DHX33: variants seen among roughly 807,000 people sequenced by gnomAD.
The protein encoded by DHX33 is ATP-dependent RNA helicase DHX33.
Under a neutral mutation model 72.5 loss-of-function variants are expected in DHX33, and 42 were observed. That is an observed-to-expected ratio of 0.58 (90% confidence interval 0.45 to 0.75). The LOEUF (loss-of-function observed/expected upper bound fraction) is 0.75, where lower values mean the gene tolerates loss of function less well. DHX33 is among the 30% of genes least tolerant of loss of function. The probability of loss-of-function intolerance (pLI) is 0.00; values close to 1 mark genes in which losing one functional copy is unlikely to be tolerated. For missense variants in DHX33, 842 were observed against 917.5 expected (o/e 0.92, Z 1.06); for synonymous variants, 358 against 366.1 (o/e 0.98, Z 0.25).
Position 5,442,935 on chromosome 17 carries a change from C to T in DHX33, c.*1270G>A, listed in dbSNP as rs1916488189. 6.6e-6 allele frequency: 1 copy of T among 152,190 alleles called. No individual in the cohort carries two copies. Among genetic ancestry groups the T allele is most frequent in the Non-Finnish European group, 1.5e-5 (1 of 68,038 alleles). The allele number at this position is 152,190 out of a possible 1,614,324, so 9.4% of individuals were successfully genotyped here. A position where few individuals can be genotyped will look rare whatever the true frequency, so the allele number is the denominator to read the frequency against. On this transcript the variant is annotated 3_prime_UTR_variant, in exon 12 of 12. Coordinates refer to ENST00000225296, the MANE Select transcript of DHX33 (RefSeq NM_020162.4). ...GACTGTGGATATCCTCCAATTCCCTCTGACAATGAGGGTTAGAGAGAGGTG... is the reference window on the plus strand; with the variant it reads ...GACTGTGGATATCCTCCAATTCCCTTTGACAATGAGGGTTAGAGAGAGGTG...
chr17:5,462,816 A>T (rs1160480094), intron 2 of DHX33, among the ~76,000 whole-genome samples: 2 of 152,158 alleles, frequency 1.3e-5, no homozygotes, highest in Non-Finnish European at 2.9e-5. Context: ...GTGGTGGCTC[A>T]CACCTGTAAT....
rs532532584 is a variant in DHX33, at chr17:5,453,455, T to C, written c.1396+125A>G. The C allele has an allele frequency of 1.8e-4, 136 of 743,026 alleles. No homozygotes were observed. In the South Asian group the frequency reaches 2.1e-3, roughly 11 times the overall value. 46.0% of individuals were successfully genotyped at this position (743,026 alleles called of 1,614,324 possible). On this transcript the variant is annotated intron_variant, in intron 8 of 11. Coordinates refer to ENST00000225296, the MANE Select transcript of DHX33 (RefSeq NM_020162.4). Reference sequence around the variant, plus strand: ...TTTCAGATGCTTCTCTAATAACTAATGTTGTCATCCACAAAATTAAATAAA... The same window carrying C: ...TTTCAGATGCTTCTCTAATAACTAACGTTGTCATCCACAAAATTAAATAAA...
chr17:5,463,405 A>G, intron 2 of DHX33, 124 bp downstream of exon 2: 1 of 1,024,934 alleles, frequency 9.8e-7, no homozygotes, highest in Middle Eastern at 2.7e-4. Flanking sequence ...GAACTCTCGG[A>G]AGAATAGGCA....
Position 5,457,555 on chromosome 17 carries a change from C to T in DHX33, c.850-1373G>A, listed in dbSNP as rs138985025. The stretch of plus-strand genomic sequence containing the variant: ...CTGGGAGGTAGAGGTTGCAGTGAGC[C>T]GAGCTCGTGTCACTGCACTCCAGCC... On this transcript the variant is annotated intron_variant, in intron 4 of 11. Coordinates refer to ENST00000225296, the MANE Select transcript of DHX33 (RefSeq NM_020162.4). 3.3e-3 allele frequency among the ~76,000 whole-genome samples: 471 copies of T among 141,594 alleles called. 4 individuals carry two copies. The highest frequency in any genetic ancestry group is 0.012 in the African/African-American group (434 of 36,360). The allele number at this position is 141,594 out of a possible 152,430, so 92.9% of individuals were successfully genotyped here.
At chr17:5,456,273 G>A in intron 4 of DHX33, 91 bp from the exon 5 acceptor site, 1 of 1,352,606 alleles carries the variant, frequency 7.4e-7, no homozygotes, top group Non-Finnish European at 1.0e-6. Context: ...GTTTCCCAGA[G>A]TTATTTCTCT....
intron 2 of DHX33, among the ~76,000 whole-genome samples, chr17:5,463,328 G>C (rs190926985): frequency 2.6e-5 from 4 of 152,296 alleles, no homozygotes; most frequent in African/African-American, 9.6e-5. Context: ...TATCCAACCT[G>C]ACGACAGATT....
intron 3 of DHX33, among the ~76,000 whole-genome samples, chr17:5,461,831 G>A (rs1904639268): frequency 6.6e-6 from 1 of 150,830 alleles, no homozygotes; most frequent in African/African-American, 2.4e-5. Flanking sequence ...TTACAGGCGT[G>A]AGCCACCGTG....
Position 5,444,830 on chromosome 17 carries a change from C to T in DHX33, c.1816-317G>A, listed in dbSNP as rs944396224. 3.9e-5 allele frequency among the ~76,000 whole-genome samples: 6 copies of T among 152,262 alleles called. No homozygotes were observed. The South Asian group carries it at 8.3e-4, about 21-fold the overall frequency. On this transcript the variant is annotated intron_variant, in intron 11 of 11. Transcript: ENST00000225296. This position sits in a 1 kb window ranked among gnomAD's most constrained non-coding sequence, Gnocchi z 4.9. ...ACCCCTCACCTAAATTCCATCAGGA[C>T]GGCCCGGAAAGGAAAGGCCCTTCCC...
chr17:5,461,156 G>C (rs374583573), intron 3 of DHX33, 47 bp from the exon 4 acceptor site: 3 of 1,566,080 alleles, frequency 1.9e-6, no homozygotes, highest in East Asian at 4.5e-5. Context: ...TAGTGGGAAG[G>C]CCTTTCCGTG....
Position 5,461,000 on chromosome 17 carries a change from G to C in DHX33, c.788C>G (p.Thr263Ser). 1 of 1,614,092 alleles carries C rather than the reference G, an allele frequency of 6.2e-7. No individual in the cohort carries two copies. Among genetic ancestry groups the C allele is most frequent in the Non-Finnish European group, 8.5e-7 (1 of 1,179,986 alleles). The change falls in exon 4 of 12, where the codon ACC becomes AGC. Residue 263 changes from threonine (T) to serine (S), a missense_variant. Physicochemically the swap from Thr to Ser is moderately conservative, Grantham distance 58. Coordinates refer to ENST00000225296, the MANE Select transcript of DHX33 (RefSeq NM_020162.4). ...CAGGTAATCATTCTGAGGCTGTTTG[G>C]TGTAAAACACCTGGATCGGATGCTG... ...GRQHPIQVFYTKQPQNDYLHA... is the reference protein window; with the variant it reads ...GRQHPIQVFYSKQPQNDYLHA...
chr17:5,463,798 C>T (rs893284045), intron 1 of DHX33, 109 bp from the exon 2 acceptor site: 4 of 1,078,920 alleles, frequency 3.7e-6, no homozygotes, highest in Non-Finnish European at 5.1e-6. Flanking sequence ...AGGTAGGAGG[C>T]TCTCTTGAGC....
intron 1 of DHX33, among the ~76,000 whole-genome samples, chr17:5,467,690 G>A (rs1242649958): frequency 1.3e-5 from 2 of 152,044 alleles, no homozygotes; most frequent in African/African-American, 4.8e-5. Flanking sequence ...TCTGCCCCAA[G>A]ATAACATCCC....
chr17:5,462,794 T>C (rs1904702208), intron 2 of DHX33, among the ~76,000 whole-genome samples: 1 of 152,062 alleles, frequency 6.6e-6, no homozygotes, highest in East Asian at 1.9e-4. Flanking sequence ...AATAGTTTCA[T>C]GTGGGCCGGG....
intron 1 of DHX33, among the ~76,000 whole-genome samples, chr17:5,467,221 C>T (rs1285033886): frequency 1.3e-5 from 2 of 152,198 alleles, no homozygotes; most frequent in African/African-American, 2.4e-5. Context: ...AATGTTCTTA[C>T]CCTGCCTAAT....
chr17:5,461,415 C>G (rs1407030392), intron 3 of DHX33: 7 of 169,556 alleles, frequency 4.1e-5, no homozygotes, highest in African/African-American at 1.4e-4. Context: ...GTCAGGAGAT[C>G]GAGGCCATCC....
rs546513843 is a variant in DHX33, at chr17:5,463,705, A to G, written c.290-16T>C. 320 of 214,286 alleles carry G rather than the reference A, an allele frequency of 1.5e-3. No individual in the cohort carries two copies. Among genetic ancestry groups the G allele is most frequent in the South Asian group, 2.8e-3 (28 of 10,080 alleles). 13.3% of individuals were successfully genotyped at this position (214,286 alleles called of 1,614,324 possible). A position where few individuals can be genotyped will look rare whatever the true frequency, so the allele number is the denominator to read the frequency against. Reference sequence around the variant, plus strand: ...CCAGTTTCCCCTAGGAGAGAGGGGGAAAAAAAAAAAAGGCTCACTGAAATG... The same window carrying G: ...CCAGTTTCCCCTAGGAGAGAGGGGGGAAAAAAAAAAAGGCTCACTGAAATG... On this transcript the variant is annotated splice_polypyrimidine_tract_variant and intron_variant, in intron 1 of 11. Coordinates refer to ENST00000225296, the MANE Select transcript of DHX33 (RefSeq NM_020162.4).
chr17:5,453,280 T>A (rs1221625274), intron 8 of DHX33, among the ~76,000 whole-genome samples: 2 of 152,158 alleles, frequency 1.3e-5, no homozygotes, highest in Non-Finnish European at 2.9e-5. Context: ...TCCCAGCTAC[T>A]TGGGAGGCTG....
At chr17:5,463,091 T>C (rs1904716823) in intron 2 of DHX33, among the ~76,000 whole-genome samples, 1 of 150,830 alleles carries the variant, frequency 6.6e-6, no homozygotes, top group African/African-American at 2.4e-5. Context: ...AAAAAAAAAG[T>C]TTCATGTGAA....
At chr17:5,447,757 A>C (rs1474239686) in intron 11 of DHX33, among the ~76,000 whole-genome samples, 1 of 152,258 alleles carries the variant, frequency 6.6e-6, no homozygotes, top group African/African-American at 2.4e-5. Context: ...CTACAACAGA[A>C]TCTAAATGAC....
Sources: allele counts gnomAD v4.1 joint callset (sites outside exome capture counted in the v4.1 genomes callset), GRCh38; gene constraint gnomAD v4.1.1; non-coding constraint Gnocchi (gnomAD v3.1); transcripts MANE v1.5; gene names NCBI Gene and HGNC (gene_info 2026-07-23, HGNC 2026-07-21).